OR1L8: variants seen among roughly 807,000 people sequenced by gnomAD.
The protein encoded by OR1L8 is olfactory receptor 1L8.
For missense variants in OR1L8, 330 were observed against 377.4 expected (o/e 0.87, Z 1.04); for synonymous variants, 148 against 147.0 (o/e 1.01, Z -0.05).
the OR1L8 span, among the ~76,000 whole-genome samples, chr9:122,551,993 A>G: frequency 2.8e-5 from 4 of 143,876 alleles, no homozygotes; most frequent in Non-Finnish European, 6.3e-5. Flanking sequence ...CCTAAAACTG[A>G]TCCATAATCT....
At chr9:122,577,713 G>C (rs990103732) in intron 2 of OR1L8, among the ~76,000 whole-genome samples, 3 of 152,232 alleles carry the variant, frequency 2.0e-5, no homozygotes, top group Non-Finnish European at 1.5e-5. Context: ...ACTCTGTAGA[G>C]AATTTGACAG....
chr9:122,577,626 C>T (rs1363864577), intron 2 of OR1L8, among the ~76,000 whole-genome samples: 1 of 152,100 alleles, frequency 6.6e-6, no homozygotes, highest in African/African-American at 2.4e-5. Context: ...ATCATATTAT[C>T]TATCAAAGAT....
chr9:122,578,601 A>G (rs1313135844), intron 1 of OR1L8, among the ~76,000 whole-genome samples, 156 bp from the exon 2 acceptor site: 2 of 152,198 alleles, frequency 1.3e-5, no homozygotes, highest in Non-Finnish European at 2.9e-5. Context: ...ATATACATAT[A>G]CCATGGAATA....
chr9:122,553,699 C>T, the OR1L8 span: 4 of 1,614,110 alleles, frequency 2.5e-6, no homozygotes, highest in Non-Finnish European at 3.4e-6. Context: ...CTGATGCACA[C>T]ACTGTTGCTG....
chr9:122,568,958 A>G (rs767485808), intron 4 of OR1L8, among the ~76,000 whole-genome samples: 2 of 151,228 alleles, frequency 1.3e-5, no homozygotes, highest in Non-Finnish European at 3.0e-5. Flanking sequence ...CTGGGGAGTC[A>G]GACTGGGGGT....
At position 122,568,495 on chromosome 9, in the gene OR1L8, T is replaced by C; in HGVS notation, c.-18A>G. The C allele has an allele frequency of 4.8e-6, 7 of 1,470,382 alleles. No homozygotes were observed. Among genetic ancestry groups the C allele is most frequent in the Non-Finnish European group, 6.5e-6 (7 of 1,082,944 alleles). 91.1% of individuals were successfully genotyped at this position (1,470,382 alleles called of 1,614,324 possible). ...CTTTCCATTGACTTGGGCTCAGTTA[T>C]AAACAAGAAGTTTTGTCATTTAACA... is the stretch of plus-strand genomic sequence containing the variant. On this transcript the variant is annotated 5_prime_UTR_variant, in exon 5 of 5. Coordinates refer to ENST00000641027, the MANE Select transcript of OR1L8 (RefSeq NM_001004454.2).
rs1829680333 is a variant in OR1L8, at chr9:122,577,613, C to CCAAT, written c.-478+707_-478+710dup. Among the ~76,000 whole-genome samples the CCAAT allele has an allele frequency of 2.0e-5, 3 of 152,118 alleles. 1 individual carries two copies. Among genetic ancestry groups the CCAAT allele is most frequent in the South Asian group, 4.2e-4 (2 of 4,812 alleles). ...AAATAACAGTGATACCATTTTTTCA[C>CCAAT]CAATCATATTATCTATCAAAGATTG... is the stretch of plus-strand genomic sequence containing the variant. On this transcript the variant is annotated intron_variant, in intron 2 of 4. Transcript: ENST00000641027.
rs189562347 is a variant in OR1L8, at chr9:122,570,917, C to T, written c.-213+1863G>A. Among the ~76,000 whole-genome samples the T allele has an allele frequency of 5.3e-5, 8 of 152,218 alleles. No individual in the cohort carries two copies. The East Asian group carries it at 1.5e-3, about 29-fold the overall frequency. On this transcript the variant is annotated intron_variant, in intron 4 of 4. Transcript: ENST00000641027. ...AAGAGGCATATGTTATTACTGTTGC[C>T]ATTTTTACATACAGGAGGCTTAGAG... is the stretch of plus-strand genomic sequence containing the variant.
Position 122,567,659 on chromosome 9 carries a change from C to T in OR1L8, c.819G>A (p.Val273=), listed in dbSNP as rs117261812. The change falls in exon 5 of 5, where the codon GTG becomes GTA. Residue 273 remains valine (V), a synonymous_variant. Coordinates refer to ENST00000641027, the MANE Select transcript of OR1L8 (RefSeq NM_001004454.2). ...PPSTYAVKDH[V]ATIVYTVLSS... is the part of the protein sequence containing the mutation. ...ACAAAACTGTGTAAACAATTGTTGC[C>T]ACGTGGTCCTTGACAGCGTAGGTGG... 1.4e-4 allele frequency: 227 copies of T among 1,614,016 alleles called. No homozygotes were observed. Among genetic ancestry groups the T allele is most frequent in the Middle Eastern group, 3.3e-4 (2 of 6,062 alleles).
At chr9:122,554,431 T>A in the OR1L8 span, among the ~76,000 whole-genome samples, 1 of 152,190 alleles carries the variant, frequency 6.6e-6, no homozygotes, top group East Asian at 1.9e-4. Flanking sequence ...AACCAGCATA[T>A]TAGCCATAGT....
At chr9:122,581,713 G>A (rs991386682) in intron 1 of OR1L8, among the ~76,000 whole-genome samples, 40 of 152,226 alleles carry the variant, frequency 2.6e-4, no homozygotes, top group African/African-American at 9.1e-4. Flanking sequence ...TTGGGAGGCT[G>A]AGGCGGGTAG....
the OR1L8 span, chr9:122,552,986 G>A: frequency 1.7e-6 from 1 of 575,592 alleles, no homozygotes; most frequent in African/African-American, 1.8e-5. Flanking sequence ...GCACAATTGA[G>A]ATTTGAATGG....
chr9:122,553,259 CCTT>C, the OR1L8 span: 1 of 1,613,798 alleles, frequency 6.2e-7, no homozygotes, highest in Non-Finnish European at 8.5e-7. Flanking sequence ...CAGACTTCCT[CCTT>C]CTAGGACTCT....
At chr9:122,550,187 C>T in the OR1L8 span, among the ~76,000 whole-genome samples, 8 of 151,914 alleles carry the variant, frequency 5.3e-5, no homozygotes, top group Admixed American at 1.3e-4. Context: ...ATAAAATCTC[C>T]GAAGATTGTG....
rs775284978 is a variant in OR1L8 at position 122,568,367 on chromosome 9, C to G, written c.111G>C (p.Leu37=). The G allele has an allele frequency of 2.5e-6, 4 of 1,613,902 alleles. No individual in the cohort carries two copies. The highest frequency in any genetic ancestry group is 3.4e-6 in the Non-Finnish European group (4 of 1,179,852). Residue 37 remains leucine, a synonymous_variant, in exon 5 of 5, where the codon CTG becomes CTC. Coordinates refer to ENST00000641027, the MANE Select transcript of OR1L8 (RefSeq NM_001004454.2). ...TLFVLFLIVY[L]VTITGNLLII... ...TGAGCAGGTTCCCTGTTATGGTGAC[C>G]AGGTACACGATGAGGAAGAGAACAA...
At chr9:122,554,618 A>G in the OR1L8 span, among the ~76,000 whole-genome samples, 3 of 152,236 alleles carry the variant, frequency 2.0e-5, no homozygotes, top group South Asian at 6.2e-4. Context: ...TTAGGATGCT[A>G]AATAACTTAA....
chr9:122,552,795 T>G, the OR1L8 span, among the ~76,000 whole-genome samples: 1 of 143,804 alleles, frequency 7.0e-6, no homozygotes, highest in Non-Finnish European at 1.5e-5. Context: ...TGTGTGTGTG[T>G]GTTGGAGGAG....
At position 122,568,058 on chromosome 9, in the gene OR1L8, G is replaced by A. The variant is rs773037359; in HGVS notation, c.420C>T (p.His140=). The A allele has an allele frequency of 2.5e-6, 4 of 1,614,022 alleles. No individual in the cohort carries two copies. The highest frequency in any genetic ancestry group is 2.5e-6 in the Non-Finnish European group (3 of 1,179,938). The change falls in exon 5 of 5, where the codon CAC becomes CAT. Residue 140 remains histidine, a synonymous_variant. Transcript: ENST00000641027. ...AGAAGGCCACCAGCAGGACACAGTG[G>A]TGGTGGCTCATGGTGGTGACATAGT... ...PFHYVTTMSH[H]HCVLLVAFSC...
At chr9:122,575,998 G>A (rs1055612669) in intron 3 of OR1L8, among the ~76,000 whole-genome samples, 11 of 151,758 alleles carry the variant, frequency 7.2e-5, no homozygotes, top group African/African-American at 2.4e-4. Flanking sequence ...TTTTATTTCT[G>A]TGTCTGGTTT....
Sources: gnomAD v4.1 joint callset for allele counts (sites outside exome capture counted in the v4.1 genomes callset) on GRCh38, gnomAD v4.1.1 for gene constraint, MANE v1.5 for transcripts, NCBI Gene and HGNC (gene_info 2026-07-23, HGNC 2026-07-21) for gene names.